The following MOBP variants were observed in gnomAD, a reference collection of about 807,000 sequenced individuals.
MOBP encodes the protein myelin-associated oligodendrocyte basic protein.
MOBP carries 5 observed loss-of-function variants against 15.0 expected under a neutral mutation model. That is an observed-to-expected ratio of 0.33 (90% CI 0.17 to 0.70). The LOEUF (loss-of-function observed/expected upper bound fraction) is 0.70, where lower values mean the gene tolerates loss of function less well. MOBP is among the 30% of genes least tolerant of loss of function. MOBP has a pLI of 0.67. For synonymous variants in MOBP, 88 were observed against 99.0 expected (o/e 0.89, Z 0.66); for missense variants, 188 against 257.8 (o/e 0.73, Z 1.85).
At position 39,502,076 on chromosome 3, in the gene MOBP, C is replaced by A; in HGVS notation, c.7C>A (p.Gln3Lys). The change falls in exon 3 of 4, where the codon CAG (glutamine) becomes AAG (lysine). Residue 3 changes from glutamine (Q) to lysine (K), a missense_variant. Physicochemically the swap from Gln to Lys is moderately conservative, Grantham distance 53. This residue lies in a region of MOBP where 133 missense variants were observed against 212.5 expected (regional missense o/e 0.63). Coordinates refer to ENST00000684792, the MANE Select transcript of MOBP (RefSeq NM_001393704.1). This position sits in a 1 kb window ranked among gnomAD's most constrained non-coding sequence, Gnocchi z 6.3. ...ATCGGCGATTTCCAGTGAGATGAGTCAGAAACCGGCCAAGGAGGGTCCCAG... is the reference window on the plus strand; with the variant it reads ...ATCGGCGATTTCCAGTGAGATGAGTAAGAAACCGGCCAAGGAGGGTCCCAG... The part of the protein sequence containing the change: MS[Q>K]KPAKEGPRLS... 2 of 1,613,866 alleles carry A rather than the reference C, an allele frequency of 1.2e-6. No homozygotes were observed. Among genetic ancestry groups the A allele is most frequent in the South Asian group, 1.1e-5 (1 of 91,066 alleles).
chr3:39,500,486 G>A (rs1007613663), intron 2 of MOBP, among the ~76,000 whole-genome samples: 5 of 152,186 alleles, frequency 3.3e-5, no homozygotes, highest in African/African-American at 1.2e-4. Flanking sequence ...AGGAGATCTA[G>A]GAGAATGTGG....
At chr3:39,472,294 G>A (rs904492500) in intron 1 of MOBP, among the ~76,000 whole-genome samples, 6 of 152,030 alleles carry the variant, frequency 3.9e-5, no homozygotes. Flanking sequence ...TTAAATGCAG[G>A]GCAGTTGGTT....
intron 2 of MOBP, among the ~76,000 whole-genome samples, chr3:39,498,317 A>T (rs1575307450): frequency 2.1e-5 from 3 of 144,288 alleles, no homozygotes; most frequent in Admixed American, 2.0e-4. Context: ...GAAAAGAGTT[A>T]GGAGGGCAGT....
downstream of MOBP, chr3:39,529,331 C>T (rs1249565113): frequency 6.6e-6 from 1 of 152,028 alleles, no homozygotes; most frequent in Non-Finnish European, 1.5e-5. Context: ...AGTAAAATGC[C>T]AAGGTGTAAG....
chr3:39,471,663 G>A (rs569830692), intron 1 of MOBP, among the ~76,000 whole-genome samples: 12 of 152,278 alleles, frequency 7.9e-5, no homozygotes, highest in African/African-American at 2.2e-4. Flanking sequence ...TCTGGCATGA[G>A]GCATGAGTCC....
chr3:39,469,028 A>ATATATACATATATACATATGTGTGTG, intron 1 of MOBP, among the ~76,000 whole-genome samples: 1 of 53,968 alleles, frequency 1.9e-5, no homozygotes, highest in South Asian at 4.8e-4. Context: ...ATGTGTGTAT[A>ATATATACATATATACATATGTGTGTG]TATATACATA....
chr3:39,503,985 T>G (rs664342), downstream of MOBP, among the ~76,000 whole-genome samples: 139,613 of 152,204 alleles, frequency 0.92, 64,683 homozygotes, highest in Middle Eastern at 0.98. Flanking sequence ...GGTACAGTTA[T>G]GTAGACAGTA....
At chr3:39,478,971 A>C (rs1438624077) in intron 1 of MOBP, among the ~76,000 whole-genome samples, 2 of 152,022 alleles carry the variant, frequency 1.3e-5, no homozygotes, top group East Asian at 1.9e-4. Context: ...CTGGGATTAC[A>C]GGCGCCTGCC....
intron 1 of MOBP, among the ~76,000 whole-genome samples, chr3:39,476,432 A>G (rs1048909103): frequency 5.3e-5 from 8 of 152,174 alleles, no homozygotes; most frequent in Non-Finnish European, 1.2e-4. Context: ...GCACACACCT[A>G]TGTTTATTTC....
chr3:39,502,548 GC>G lies in MOBP; in HGVS notation c.222del (p.Lys75SerfsTer153). 1 of 1,579,528 alleles carries G rather than the reference GC, an allele frequency of 6.3e-7. No homozygotes were observed. Among genetic ancestry groups the G allele is most frequent in the South Asian group, 1.1e-5 (1 of 87,710 alleles). ...ACQKTRTSRR[A>X]KSPQRPKQQP... ...TGGCCCTCTCAGAACCAGCCGCCGT[GC>G]CAAGTCCCCTCAGAGGCCCAAGCAA... On this transcript the variant is annotated frameshift_variant, in exon 4 of 4. Coordinates refer to ENST00000684792, the MANE Select transcript of MOBP (RefSeq NM_001393704.1). LOFTEE classifies it high-confidence loss of function. This position sits in a 1 kb window ranked among gnomAD's most constrained non-coding sequence, Gnocchi z 6.3.
At chr3:39,469,535 T>C (rs775403834) in intron 1 of MOBP, among the ~76,000 whole-genome samples, 1 of 152,126 alleles carries the variant, frequency 6.6e-6, no homozygotes, top group Non-Finnish European at 1.5e-5. Flanking sequence ...GAACCATGCA[T>C]GACCTTTTGT....
At position 39,502,971 on chromosome 3, in the gene MOBP, G is replaced by C. The variant is rs2042997273; in HGVS notation, c.*91G>C. 1.6e-6 allele frequency: 1 copy of C among 638,726 alleles called. No individual in the cohort carries two copies. Among genetic ancestry groups the C allele is most frequent in the Non-Finnish European group, 2.7e-6 (1 of 373,934 alleles). The allele number at this position is 638,726 out of a possible 1,614,324, so 39.6% of individuals were successfully genotyped here. The stretch of plus-strand genomic sequence containing the variant: ...CGGGCTGTCTCCATGGCCCTCTTCA[G>C]CCTTATTACCCAACCTGTGTAATCA... On this transcript the variant is annotated 3_prime_UTR_variant, in exon 4 of 4. Coordinates refer to ENST00000684792, the MANE Select transcript of MOBP (RefSeq NM_001393704.1). The surrounding 1 kb of genome is among the most constrained non-coding windows in gnomAD (Gnocchi z 6.3).
In MOBP at chr3:39,512,706, TTTG is replaced by T. The variant is rs2043134872; in HGVS notation, c.*-674_*-672del. Among the ~76,000 whole-genome samples, 3 of 152,326 alleles carry T rather than the reference TTTG, an allele frequency of 2.0e-5. No homozygotes were observed. In the South Asian group the frequency reaches 6.2e-4, roughly 32 times the overall value. On this transcript the variant is annotated intron_variant, in intron 4 of 4. Transcript: ENST00000311042. ...TATGTGACATTCCTAATGCATGCAT[TTTG>T]TTTTTTGTGTATTTGTTTTTTAAAC...
chr3:39,521,835 G>A (rs991753479), intron 3 of MOBP, among the ~76,000 whole-genome samples: 7 of 152,280 alleles, frequency 4.6e-5, no homozygotes, highest in African/African-American at 1.4e-4. Context: ...GTATAATACC[G>A]TCTTCTCCTC....
chr3:39,483,530 C>G (rs941259747), intron 2 of MOBP, among the ~76,000 whole-genome samples: 2 of 152,198 alleles, frequency 1.3e-5, no homozygotes, highest in African/African-American at 2.4e-5. Flanking sequence ...TGGAGCAATA[C>G]ATTAGCCCAT....
chr3:39,495,623 C>T (rs114303337), intron 2 of MOBP, among the ~76,000 whole-genome samples: 103 of 151,300 alleles, frequency 6.8e-4, no homozygotes, highest in African/African-American at 2.2e-3. Flanking sequence ...TGTAGTAGCA[C>T]GCACCTGTAG....
chr3:39,521,019 T>C (rs895355782), intron 3 of MOBP, among the ~76,000 whole-genome samples: 1 of 151,982 alleles, frequency 6.6e-6, no homozygotes, highest in Non-Finnish European at 1.5e-5. Context: ...CAATCTCGGC[T>C]CACTGCAACA....
chr3:39,526,890 C>T (rs2043330380), downstream of MOBP: 1 of 150,784 alleles, frequency 6.6e-6, no homozygotes, highest in African/African-American at 2.4e-5. Context: ...CATTCTCCTG[C>T]CTCAGCCTCC....
intron 4 of MOBP, among the ~76,000 whole-genome samples, chr3:39,508,408 C>A (rs2043075415): frequency 6.6e-6 from 1 of 152,214 alleles, no homozygotes; most frequent in African/African-American, 2.4e-5. Context: ...GTCAACTCCC[C>A]AGCCCATAGT....
Sources: allele counts gnomAD v4.1 joint callset (sites outside exome capture counted in the v4.1 genomes callset), GRCh38; gene constraint gnomAD v4.1.1; regional missense constraint gnomAD v4.1.1; non-coding constraint Gnocchi (gnomAD v3.1); transcripts MANE v1.5; gene names NCBI Gene and HGNC (gene_info 2026-07-23, HGNC 2026-07-21).